Variants in RBFOX2 observed in about 807,000 individuals in gnomAD.
RBFOX2 encodes RNA binding fox-1 homolog 2.
Under a neutral mutation model 49.1 loss-of-function variants are expected in RBFOX2, and 10 were observed. The ratio of observed to expected loss-of-function variants is 0.20; its 90% CI spans 0.13 to 0.35. The LOEUF is 0.35. RBFOX2 is among the 10% of genes least tolerant of loss of function. RBFOX2 has a pLI of 1.00. For missense variants in RBFOX2, 323 were observed against 486.9 expected (o/e 0.66, Z 3.17); for synonymous variants, 183 against 187.4 (o/e 0.98, Z 0.19).
exon 12 of RBFOX2, chr22:35,740,374 G>A (rs1929268526): frequency 6.6e-6 from 1 of 152,558 alleles, no homozygotes; most frequent in East Asian, 1.9e-4. Flanking sequence ...GTTTCACTGT[G>A]TATACTACAA....
chr22:35,988,932 G>A (rs1388071676), intron 1 of RBFOX2, among the ~76,000 whole-genome samples: 1 of 152,232 alleles, frequency 6.6e-6, no homozygotes, highest in Non-Finnish European at 1.5e-5. Flanking sequence ...GCTCATGCCT[G>A]TAATCCCAGC....
Position 35,798,908 on chromosome 22 carries a change from T to G in RBFOX2, c.252+10872A>C, listed in dbSNP as rs181959922. On this transcript the variant is annotated intron_variant, in intron 2 of 11. Coordinates refer to ENST00000405409, the Ensembl canonical transcript of RBFOX2. ...ATCAAACTAAGAAAAAGAAAAGTAT[T>G]TACATTATACGGAAGAATGTTGGAG... 3.3e-5 allele frequency among the ~76,000 whole-genome samples: 5 copies of G among 152,312 alleles called. No individual in the cohort carries two copies. The East Asian group carries it at 7.7e-4, about 23-fold the overall frequency.
At chr22:35,830,623 A>G (rs146681506) in intron 1 of RBFOX2, among the ~76,000 whole-genome samples, 10 of 152,332 alleles carry the variant, frequency 6.6e-5, no homozygotes, top group African/African-American at 2.4e-4. Context: ...GCATGTGACT[A>G]TACTGAATAC....
chr22:35,934,212 C>T (rs904670548), intron 1 of RBFOX2, among the ~76,000 whole-genome samples: 1 of 150,866 alleles, frequency 6.6e-6, no homozygotes, highest in Non-Finnish European at 1.5e-5. Context: ...TCTGGGAGCA[C>T]AGTTTATGCA....
chr22:35,761,510 G>T, intron 6 of RBFOX2, 42 bp from the exon 8 acceptor site: 1 of 1,603,064 alleles, frequency 6.2e-7, no homozygotes, highest in South Asian at 1.1e-5. Flanking sequence ...AAGACTGTTT[G>T]AGGAAAGGGA....
exon 12 of RBFOX2, chr22:35,741,624 A>C (rs775363208): frequency 6.5e-6 from 1 of 152,822 alleles, no homozygotes; most frequent in Non-Finnish European, 1.5e-5. Context: ...TCTTTCTTAG[A>C]AAAGGGAGCT....
At chr22:35,807,361 T>C (rs1603229242) in intron 2 of RBFOX2, among the ~76,000 whole-genome samples, 2 of 151,780 alleles carry the variant, frequency 1.3e-5, no homozygotes, top group East Asian at 3.9e-4. Flanking sequence ...TAGTAAACCA[T>C]AAAACAAGTC....
intron 2 of RBFOX2, among the ~76,000 whole-genome samples, chr22:35,792,550 C>T (rs1279422510): frequency 6.6e-6 from 1 of 151,888 alleles, no homozygotes; most frequent in Non-Finnish European, 1.5e-5. Flanking sequence ...GAAATGGAAA[C>T]ATCATAGCCT....
At chr22:35,948,820 TATAC>T (rs1435897205) in intron 1 of RBFOX2, among the ~76,000 whole-genome samples, 17 of 152,222 alleles carry the variant, frequency 1.1e-4, no homozygotes, top group African/African-American at 4.1e-4. Flanking sequence ...TGTGGTTAAA[TATAC>T]ATAAAGTTAC....
chr22:35,761,849 T>C (rs1460293706), intron 6 of RBFOX2, among the ~76,000 whole-genome samples: 1 of 152,232 alleles, frequency 6.6e-6, no homozygotes, highest in Non-Finnish European at 1.5e-5. Context: ...TGAACCATGC[T>C]GTGATGCATT....
intron 1 of RBFOX2, among the ~76,000 whole-genome samples, chr22:35,894,887 C>T (rs981624457): frequency 6.6e-6 from 1 of 151,304 alleles, no homozygotes; most frequent in African/African-American, 2.4e-5. Flanking sequence ...AAAGGCACTT[C>T]AGTGAACCAC....
chr22:35,775,841 C>CAAAAAAAAAAAAAAA (rs753116056), intron 4 of RBFOX2, among the ~76,000 whole-genome samples: 55 of 55,860 alleles, frequency 9.8e-4, no homozygotes, highest in East Asian at 2.0e-3. Flanking sequence ...GAATCTGCCT[C>CAAAAAAAAAAAAAAA]AAAAAAAAAA....
exon 12 of RBFOX2, chr22:35,740,835 T>C (rs1929570115): frequency 6.6e-6 from 1 of 152,208 alleles, no homozygotes; most frequent in South Asian, 2.1e-4. Context: ...TACAGGATGG[T>C]AGTGATTAAC....
chr22:35,782,676 C>G (rs901629871), intron 2 of RBFOX2, among the ~76,000 whole-genome samples: 3 of 152,136 alleles, frequency 2.0e-5, no homozygotes, highest in Non-Finnish European at 4.4e-5. Flanking sequence ...TTATGCAATT[C>G]CAGCTAACTT....
chr22:35,788,151 T>C (rs745500868), intron 2 of RBFOX2, among the ~76,000 whole-genome samples: 1 of 152,208 alleles, frequency 6.6e-6, no homozygotes, highest in Non-Finnish European at 1.5e-5. Flanking sequence ...AGGAAATTGA[T>C]TGATTTTTCT....
intron 2 of RBFOX2, among the ~76,000 whole-genome samples, chr22:35,785,791 G>A (rs568816800): frequency 7.2e-5 from 11 of 152,248 alleles, no homozygotes; most frequent in African/African-American, 9.6e-5. Flanking sequence ...GAAAGTGTAC[G>A]GTTTTCAATT....
intron 1 of RBFOX2, among the ~76,000 whole-genome samples, chr22:35,968,364 G>A (rs561410768): frequency 6.6e-6 from 1 of 152,092 alleles, no homozygotes; most frequent in African/African-American, 2.4e-5. Context: ...AGAATTATGC[G>A]CCTCTCTTAA....
rs904184251 is a variant in RBFOX2, at chr22:35,765,539, A to T, written c.547-56T>A. 5 of 1,088,188 alleles carry T rather than the reference A, an allele frequency of 4.6e-6. No individual in the cohort carries two copies. In the African/African-American group the frequency reaches 4.8e-5, roughly 11 times the overall value. 67.4% of individuals were successfully genotyped at this position (1,088,188 alleles called of 1,614,324 possible). On this transcript the variant is annotated intron_variant, in intron 5 of 11. Coordinates refer to ENST00000405409, the Ensembl canonical transcript of RBFOX2. ...GAAGAAGTGGACCACATTAGGGAAC[A>T]TAAAGTTGCACATCCAATAACAGAG...
At chr22:35,970,131 T>C (rs2056788437) in intron 1 of RBFOX2, among the ~76,000 whole-genome samples, 1 of 152,204 alleles carries the variant, frequency 6.6e-6, no homozygotes, top group African/African-American at 2.4e-5. Flanking sequence ...TAATTCTCCG[T>C]CGGTTGCAAT....
Sources: allele counts gnomAD v4.1 joint callset (sites outside exome capture counted in the v4.1 genomes callset), GRCh38; gene constraint gnomAD v4.1.1; transcripts MANE v1.5; gene names NCBI Gene and HGNC (gene_info 2026-07-23, HGNC 2026-07-21).